The following SDK1 variants were observed in gnomAD, a reference collection of about 807,000 sequenced individuals.
The protein encoded by SDK1 is sidekick cell adhesion molecule 1, also known as protein sidekick-1.
In SDK1, 157 loss-of-function variants were observed where a neutral mutation model predicts 245.5. That is an observed-to-expected ratio of 0.64 (90% CI 0.56 to 0.73). The LOEUF is 0.73. SDK1 is among the 30% of genes least tolerant of loss of function. SDK1 has a pLI of 0.00. For synonymous variants in SDK1, 1,647 were observed against 1,278.5 expected (o/e 1.29, Z -6.15); for missense variants, 3,583 against 3,002.3 (o/e 1.19, Z -4.52).
chr7:4,258,472 C>G (rs565088734), intron 44 of SDK1, among the ~76,000 whole-genome samples: 20 of 152,334 alleles, frequency 1.3e-4, no homozygotes, highest in African/African-American at 4.3e-4. Context: ...TGCAGAGACG[C>G]TTTCCATATA....
In SDK1 at chr7:4,113,358, C is replaced by A. The variant is rs764164731; in HGVS notation, c.3504C>A (p.Thr1168=). The part of the protein sequence containing the change: ...PYSPSSRVIQ[T]LQAPPDVAPT... ...GTCCGTCTTCCCGGGTCATCCAGAC[C>A]CTGCAGGCCCCACCCGACGTGGCTC... Residue 1168 remains threonine, a synonymous_variant, in exon 24 of 45, where the codon ACC becomes ACA. Transcript: ENST00000404826. The A allele has an allele frequency of 1.2e-6, 2 of 1,613,908 alleles. No individual in the cohort carries two copies. Among genetic ancestry groups the A allele is most frequent in the Non-Finnish European group, 1.7e-6 (2 of 1,180,020 alleles).
In SDK1 at chr7:3,885,752, G is replaced by A. The variant is rs1583512898; in HGVS notation, c.847+64169G>A. On this transcript the variant is annotated intron_variant, in intron 5 of 44. Transcript: ENST00000404826. ...ATTTCCTGTGATGCCGCCATGCCAAGCTGCATTAGTTGTACAGTTCCATTG... is the reference window on the plus strand; with the variant it reads ...ATTTCCTGTGATGCCGCCATGCCAAACTGCATTAGTTGTACAGTTCCATTG... Among the ~76,000 whole-genome samples the A allele has an allele frequency of 1.3e-4, 20 of 152,326 alleles. No homozygotes were observed. In the South Asian group the frequency reaches 4.1e-3, roughly 32 times the overall value.
At chr7:3,969,760 A>T (rs943739502) in intron 11 of SDK1, among the ~76,000 whole-genome samples, 5 of 152,208 alleles carry the variant, frequency 3.3e-5, no homozygotes, top group Non-Finnish European at 7.3e-5. Flanking sequence ...GAAAATTAAG[A>T]ATTAAAATCC....
intron 4 of SDK1, among the ~76,000 whole-genome samples, chr7:3,650,328 ACT>A (rs1373792006): frequency 6.6e-6 from 1 of 151,494 alleles, no homozygotes; most frequent in Admixed American, 6.6e-5. Context: ...ATCTTGTGAA[ACT>A]CTGTACCCGT....
chr7:3,975,963 G>C (rs969196505), intron 13 of SDK1, among the ~76,000 whole-genome samples: 6 of 127,912 alleles, frequency 4.7e-5, no homozygotes, highest in Admixed American at 1.6e-4. Context: ...CCACGCAGAG[G>C]GTCCTCCAGA....
chr7:3,347,868 G>A (rs1780549801), intron 1 of SDK1, among the ~76,000 whole-genome samples: 1 of 149,176 alleles, frequency 6.7e-6, no homozygotes, highest in Non-Finnish European at 1.5e-5. Flanking sequence ...TTAGTATCGA[G>A]CCAGTTACAA....
At chr7:4,156,661 T>C (rs1780756662) in intron 30 of SDK1, among the ~76,000 whole-genome samples, 1 of 152,084 alleles carries the variant, frequency 6.6e-6, no homozygotes, top group Non-Finnish European at 1.5e-5. Flanking sequence ...TTTCCAAAAA[T>C]GGTTATCAGT....
At chr7:4,051,590 GAA>G in intron 18 of SDK1, 46 bp from the exon 19 acceptor site, 2 of 1,525,802 alleles carry the variant, frequency 1.3e-6, no homozygotes, top group Non-Finnish European at 1.8e-6. Flanking sequence ...TGAGTGTGGA[GAA>G]ATGCCATTGA....
chr7:3,958,051 T>A (rs1486058225), intron 7 of SDK1: 1 of 469,958 alleles, frequency 2.1e-6, no homozygotes, highest in Non-Finnish European at 4.4e-6. Context: ...TCCCACCTTG[T>A]TTTAAAGATA....
rs1036514845 is a variant in SDK1 at position 4,205,956 on chromosome 7, C to A, written c.5176C>A (p.Pro1726Thr). 1.3e-6 allele frequency: 2 copies of A among 1,561,142 alleles called. No homozygotes were observed. The highest frequency in any genetic ancestry group is 1.9e-5 in the Admixed American group (1 of 52,960). Reference protein sequence around the residue: ...SQLEVTWDPPPPESQNGNIQG... With the variant: ...SQLEVTWDPPTPESQNGNIQG... The stretch of plus-strand genomic sequence containing the variant: ...GCTGGAGGTCACGTGGGACCCACCA[C>A]CCCCGGAGAGCCAGAATGGGAACAT... The change falls in exon 36 of 45, where the codon CCC becomes ACC. Residue 1726 changes from proline to threonine, a missense_variant. By Grantham distance (38) the Pro-to-Thr change is conservative. Coordinates refer to ENST00000404826, the MANE Select transcript of SDK1 (RefSeq NM_152744.4).
chr7:3,321,694 C>CT (rs1779806865), intron 1 of SDK1, among the ~76,000 whole-genome samples: 1 of 93,084 alleles, frequency 1.1e-5, no homozygotes, highest in Admixed American at 9.6e-5. Flanking sequence ...CTTCTTCCTT[C>CT]TCCTCCTCCT....
intron 30 of SDK1, among the ~76,000 whole-genome samples, chr7:4,151,936 A>G (rs1017503080): frequency 2.0e-5 from 3 of 152,184 alleles, no homozygotes; most frequent in Non-Finnish European, 4.4e-5. Flanking sequence ...CCTACAGTTA[A>G]TTTACAAGGG....
At chr7:4,233,825 C>T (rs1785965603) in intron 41 of SDK1, among the ~76,000 whole-genome samples, 1 of 152,146 alleles carries the variant, frequency 6.6e-6, no homozygotes, top group African/African-American at 2.4e-5. Context: ...GGCCCCAGAG[C>T]CTCCCCCAGC....
intron 44 of SDK1, among the ~76,000 whole-genome samples, chr7:4,254,936 G>C (rs1250356834): frequency 6.6e-6 from 1 of 152,122 alleles, no homozygotes; most frequent in African/African-American, 2.4e-5. Context: ...ATTCTGGATG[G>C]TTTACCATGA....
intron 1 of SDK1, among the ~76,000 whole-genome samples, chr7:3,533,274 A>G (rs1783410405): frequency 6.6e-6 from 1 of 152,182 alleles, no homozygotes; most frequent in African/African-American, 2.4e-5. Flanking sequence ...AGTAAACAGT[A>G]CTGACAAGGC....
At chr7:3,365,125 G>A (rs949373439) in intron 1 of SDK1, among the ~76,000 whole-genome samples, 4 of 152,132 alleles carry the variant, frequency 2.6e-5, no homozygotes, top group East Asian at 1.9e-4. Flanking sequence ...ATTTGAGGCC[G>A]CAACTTCTGC....
chr7:4,057,132 G>A (rs370592265), intron 19 of SDK1, among the ~76,000 whole-genome samples: 10 of 152,168 alleles, frequency 6.6e-5, no homozygotes, highest in East Asian at 1.9e-4. Context: ...CAGCAGGGCC[G>A]CAGTGCAGCC....
intron 25 of SDK1, among the ~76,000 whole-genome samples, chr7:4,122,366 G>A (rs1402195616): frequency 6.6e-6 from 1 of 152,166 alleles, no homozygotes; most frequent in Non-Finnish European, 1.5e-5. Flanking sequence ...GGGCTGAATG[G>A]TGAGTGGACC....
chr7:4,213,835 A>G (rs1304160052), intron 38 of SDK1, among the ~76,000 whole-genome samples: 1 of 152,150 alleles, frequency 6.6e-6, no homozygotes, highest in African/African-American at 2.4e-5. Context: ...CAGTTTTTGC[A>G]TCACTGGGAA....
Sources: allele counts gnomAD v4.1 joint callset (sites outside exome capture counted in the v4.1 genomes callset), GRCh38; gene constraint gnomAD v4.1.1; transcripts MANE v1.5; gene names NCBI Gene and HGNC (gene_info 2026-07-23, HGNC 2026-07-21).